TGM4: variants seen among roughly 807,000 people sequenced by gnomAD.
The protein encoded by TGM4 is transglutaminase 4.
A neutral mutation model predicts 76.3 loss-of-function variants in TGM4; 61 were observed. The observed-to-expected ratio is 0.80, with a 90% CI of 0.65 to 0.99. TGM4 has a LOEUF of 0.99. TGM4 is among the 50% of genes least tolerant of loss of function. TGM4 has a pLI of 0.00. For missense variants in TGM4, 794 were observed against 843.2 expected (o/e 0.94, Z 0.72); for synonymous variants, 337 against 329.8 (o/e 1.02, Z -0.24).
chr3:44,907,181 T>G lies in TGM4; in HGVS notation c.1308T>G (p.Tyr436Ter). The stretch of plus-strand genomic sequence containing the variant: ...AAGACAGGCGGAGAGATATCACCTA[T>G]GAGTACAAGTATCCAGAAGGTGCTA... ...VGQDRRRDIT[Y>*]EYKYPEGSSE... Residue 436 changes from tyrosine (Y) to a stop codon, truncating the protein, a stop_gained, in exon 10 of 14, where the codon TAT becomes TAG. Transcript: ENST00000296125. LOFTEE classifies it high-confidence loss of function. The G allele has an allele frequency of 2.5e-6, 4 of 1,613,946 alleles. No homozygotes were observed. The highest frequency in any genetic ancestry group is 3.4e-6 in the Non-Finnish European group (4 of 1,179,996).
intron 1 of TGM4, among the ~76,000 whole-genome samples, chr3:44,883,138 C>A (rs1699555582): frequency 6.6e-6 from 1 of 152,336 alleles, no homozygotes; most frequent in Non-Finnish European, 1.5e-5. Flanking sequence ...GCTGTGATTG[C>A]TTTGCGATTG....
intron 1 of TGM4, among the ~76,000 whole-genome samples, chr3:44,882,065 T>TC (rs2125747587): frequency 6.7e-6 from 1 of 149,502 alleles, no homozygotes; most frequent in South Asian, 2.2e-4. Context: ...CGCTTTTTTT[T>TC]TTTTTTTTTT....
At chr3:44,910,036 A>C in intron 10 of TGM4, 54 bp from the exon 11 acceptor site, 1 of 1,574,270 alleles carries the variant, frequency 6.4e-7, no homozygotes, top group South Asian at 1.2e-5. Flanking sequence ...GGTGGTTGGG[A>C]CATTTGGTCC....
intron 1 of TGM4, among the ~76,000 whole-genome samples, chr3:44,880,053 C>A (rs1349783814): frequency 6.6e-6 from 1 of 152,198 alleles, no homozygotes; most frequent in Non-Finnish European, 1.5e-5. Flanking sequence ...CCTGCCTCAG[C>A]CTCCCAAAGT....
intron 1 of TGM4, among the ~76,000 whole-genome samples, chr3:44,884,869 C>A (rs546877903): frequency 4.6e-5 from 7 of 152,038 alleles, no homozygotes; most frequent in Admixed American, 4.6e-4. Flanking sequence ...TCAGTTTGCC[C>A]GCTCCCCTCT....
At chr3:44,904,033 T>A in intron 9 of TGM4, 46 bp downstream of exon 9, 1 of 1,535,298 alleles carries the variant, frequency 6.5e-7, no homozygotes, top group East Asian at 2.2e-5. Flanking sequence ...CTGCTCTCCT[T>A]ACATGGCCCA....
chr3:44,901,754 C>T, intron 7 of TGM4, 39 bp from the exon 8 acceptor site: 1 of 1,613,030 alleles, frequency 6.2e-7, no homozygotes, highest in South Asian at 1.1e-5. Context: ...GACTCCCAGC[C>T]CCCACAGTTG....
chr3:44,881,930 C>T (rs1256807437), intron 1 of TGM4, among the ~76,000 whole-genome samples: 3 of 152,022 alleles, frequency 2.0e-5, no homozygotes, highest in African/African-American at 7.2e-5. Context: ...ACATTGTATT[C>T]CACTGACACT....
Position 44,901,812 on chromosome 3 carries a change from C to T in TGM4, c.852C>T (p.Ile284=). 1 of 1,614,136 alleles carries T rather than the reference C, an allele frequency of 6.2e-7. No individual in the cohort carries two copies. The highest frequency in any genetic ancestry group is 1.1e-5 in the South Asian group (1 of 91,070). ...ILTTVLRALG[I]PARSVTGFDS... is the part of the protein sequence containing the mutation. ...TTTCAGTGCTGAGAGCGTTGGGCATCCCAGCACGCAGTGTGACAGGCTTCG... is the reference window on the plus strand; with the variant it reads ...TTTCAGTGCTGAGAGCGTTGGGCATTCCAGCACGCAGTGTGACAGGCTTCG... Residue 284 remains isoleucine, a synonymous_variant, in exon 8 of 14, where the codon ATC becomes ATT. Coordinates refer to ENST00000296125, the MANE Select transcript of TGM4 (RefSeq NM_003241.4).
chr3:44,910,905 T>C, intron 11 of TGM4, 53 bp from the exon 12 acceptor site: 1 of 1,583,160 alleles, frequency 6.3e-7, no homozygotes, highest in Non-Finnish European at 8.6e-7. Flanking sequence ...GGAGAACTCA[T>C]ACTGGGGGGG....
intron 3 of TGM4, among the ~76,000 whole-genome samples, chr3:44,889,407 T>G (rs1414471792): frequency 6.6e-6 from 1 of 152,072 alleles, no homozygotes; most frequent in African/African-American, 2.4e-5. Flanking sequence ...TTTCCACACC[T>G]GCCCTTTCTC....
rs370145005 is a variant in TGM4 at position 44,893,569 on chromosome 3, T to C, written c.431-8T>C. The stretch of plus-strand genomic sequence containing the variant: ...TATAACCTCTGTGGATGTGTGGTCT[T>C]GCTTCAGAGGACATGGTTTTCATGC... On this transcript the variant is annotated splice_region_variant and splice_polypyrimidine_tract_variant and intron_variant, in intron 4 of 13. Coordinates refer to ENST00000296125, the MANE Select transcript of TGM4 (RefSeq NM_003241.4). The C allele has an allele frequency of 1.3e-5, 21 of 1,611,802 alleles. No homozygotes were observed. The South Asian group carries it at 2.3e-4, about 18-fold the overall frequency.
intron 2 of TGM4, among the ~76,000 whole-genome samples, chr3:44,886,342 A>G (rs1411987561): frequency 6.8e-6 from 1 of 146,272 alleles, no homozygotes; most frequent in Non-Finnish European, 1.5e-5. Context: ...CTCCGTCTCA[A>G]AAAAAAATTA....
chr3:44,903,862 G>A, intron 8 of TGM4, 22 bp from the exon 9 acceptor site: 1 of 1,611,994 alleles, frequency 6.2e-7, no homozygotes, highest in Non-Finnish European at 8.5e-7. Flanking sequence ...CCGGGGTGGG[G>A]CCCGTTCCCA....
intron 4 of TGM4, among the ~76,000 whole-genome samples, chr3:44,891,852 A>G (rs930263287): frequency 3.3e-5 from 5 of 151,812 alleles, no homozygotes; most frequent in Non-Finnish European, 5.9e-5. Flanking sequence ...GCGGGCGCCT[A>G]TATTCTCAGC....
At chr3:44,885,184 C>T (rs1456549181) in intron 1 of TGM4, 141 bp from the exon 2 acceptor site, 3 of 782,868 alleles carry the variant, frequency 3.8e-6, no homozygotes, top group Middle Eastern at 3.7e-4. Flanking sequence ...GATTCATAAC[C>T]AGCTGGAGGT....
chr3:44,908,104 G>A (rs1699950154), intron 10 of TGM4, among the ~76,000 whole-genome samples: 1 of 152,186 alleles, frequency 6.6e-6, no homozygotes, highest in Non-Finnish European at 1.5e-5. Context: ...TTGATTGTGA[G>A]CTTGTGTAAA....
In TGM4 at chr3:44,893,605, C is replaced by CT; in HGVS notation, c.459_460insT (p.Glu154Ter). The CT allele has an allele frequency of 6.2e-7, 1 of 1,613,778 alleles. No individual in the cohort carries two copies. Among genetic ancestry groups the CT allele is most frequent in the South Asian group, 1.1e-5 (1 of 91,070 alleles). On this transcript the variant is annotated frameshift_variant, in exon 5 of 14. Coordinates refer to ENST00000296125, the MANE Select transcript of TGM4 (RefSeq NM_003241.4). LOFTEE classifies it high-confidence loss of function. ...ACATGGTTTTCATGCCTGATGAGGA[C>CT]GAGCGCAAAGAGTACATCCTCAATG...
chr3:44,884,203 T>C (rs376048157), intron 1 of TGM4, among the ~76,000 whole-genome samples: 109 of 152,206 alleles, frequency 7.2e-4, no homozygotes, highest in African/African-American at 2.4e-3. Flanking sequence ...CTCAGAACAA[T>C]TGTATCAGAA....
Sources: gnomAD v4.1 joint callset for allele counts (sites outside exome capture counted in the v4.1 genomes callset) on GRCh38, gnomAD v4.1.1 for gene constraint, MANE v1.5 for transcripts, NCBI Gene and HGNC (gene_info 2026-07-23, HGNC 2026-07-21) for gene names.